The following ATP10B variants were observed in gnomAD, a reference collection of about 807,000 sequenced individuals.
The protein encoded by ATP10B is phospholipid-transporting ATPase VB.
ATP10B carries 122 observed loss-of-function variants against 141.2 expected under a neutral mutation model. The ratio of observed to expected loss-of-function variants is 0.86; its 90% CI spans 0.75 to 1.00. ATP10B has a LOEUF of 1.00. Ranked by LOEUF, ATP10B falls within the 50% of genes least tolerant of loss-of-function variation. The pLI, the probability that ATP10B is intolerant of heterozygous loss-of-function variation, is 0.00. For missense variants in ATP10B, 1,876 were observed against 1,825.3 expected, an observed-to-expected ratio of 1.03 and a Z score of -0.51; for synonymous variants, 685 against 692.0, an observed-to-expected ratio of 0.99 and a Z score of 0.16.
chr5:160,703,985 T>C (rs926127488), intron 3 of ATP10B, among the ~76,000 whole-genome samples: 1 of 152,146 alleles, frequency 6.6e-6, no homozygotes, highest in Non-Finnish European at 1.5e-5. Context: ...GTAGTAACCT[T>C]TGTTATTGTT....
chr5:160,722,074 G>T (rs1343007822), intron 2 of ATP10B, among the ~76,000 whole-genome samples: 2 of 152,154 alleles, frequency 1.3e-5, no homozygotes, highest in Non-Finnish European at 2.9e-5. Flanking sequence ...TAGAACGAGT[G>T]CTTCGTAGGA....
intron 7 of ATP10B, among the ~76,000 whole-genome samples, chr5:160,651,530 G>T (rs1321106662): frequency 3.3e-5 from 5 of 151,996 alleles, no homozygotes; most frequent in Non-Finnish European, 7.4e-5. Context: ...GTGTTAAAGT[G>T]TTGAAACATG....
intron 24 of ATP10B, among the ~76,000 whole-genome samples, chr5:160,572,182 T>C (rs113985836): frequency 0.036 from 2,208 of 61,528 alleles, 51 homozygotes; most frequent in African/African-American, 0.15. Context: ...CTCATGCTTT[T>C]AAAGAGTTTT....
At chr5:160,837,508 C>T (rs1475849359) in intron 1 of ATP10B, among the ~76,000 whole-genome samples, 1 of 152,140 alleles carries the variant, frequency 6.6e-6, no homozygotes, top group African/African-American at 2.4e-5. Context: ...GAGAAAGACT[C>T]AGCAGAGCTT....
chr5:160,814,194 G>A (rs1004110213), intron 1 of ATP10B, among the ~76,000 whole-genome samples: 1 of 152,124 alleles, frequency 6.6e-6, no homozygotes, highest in East Asian at 1.9e-4. Context: ...CGAGCTAAAG[G>A]AGGAAGTTCG....
chr5:160,653,557 CATAT>C (rs1293640756), intron 7 of ATP10B, among the ~76,000 whole-genome samples: 1 of 128,156 alleles, frequency 7.8e-6, no homozygotes, highest in African/African-American at 2.9e-5. Flanking sequence ...TACATATATA[CATAT>C]ATATTACATA....
At chr5:160,847,269 T>C (rs1177990812) in intron 1 of ATP10B, among the ~76,000 whole-genome samples, 1 of 152,196 alleles carries the variant, frequency 6.6e-6, no homozygotes, top group East Asian at 1.9e-4. Flanking sequence ...GATTCTATAA[T>C]AGTCAGTTAT....
chr5:160,799,534 A>G (rs1243754670), intron 1 of ATP10B, among the ~76,000 whole-genome samples: 1 of 152,186 alleles, frequency 6.6e-6, no homozygotes, highest in African/African-American at 2.4e-5. Flanking sequence ...CTTTGCTGAC[A>G]TTGGTATGAA....
intron 18 of ATP10B, among the ~76,000 whole-genome samples, chr5:160,608,488 C>G (rs1463745629): frequency 1.3e-5 from 2 of 152,122 alleles, no homozygotes; most frequent in Non-Finnish European, 2.9e-5. Flanking sequence ...AGTTCTAGAT[C>G]CTTGAGGAAT....
At chr5:160,681,610 C>A (rs1763404935) in intron 6 of ATP10B, among the ~76,000 whole-genome samples, 1 of 152,134 alleles carries the variant, frequency 6.6e-6, no homozygotes, top group South Asian at 2.1e-4. Flanking sequence ...ACCCCTGCCC[C>A]CACTGCCCAC....
intron 24 of ATP10B, among the ~76,000 whole-genome samples, chr5:160,576,867 T>C (rs1430167993): frequency 6.6e-6 from 1 of 152,198 alleles, no homozygotes; most frequent in Admixed American, 6.5e-5. Flanking sequence ...GTTTGGACTC[T>C]GTCCTAAGAG....
chr5:160,845,015 AC>A (rs36029672), intron 1 of ATP10B, among the ~76,000 whole-genome samples: 19,948 of 152,116 alleles, frequency 0.13, 1,394 homozygotes, highest in African/African-American at 0.16. Context: ...GGATTTGGCC[AC>A]CCTTATTTGT....
At chr5:160,854,173 A>C (rs10515816), upstream of ATP10B, among the ~76,000 whole-genome samples, 5 of 151,950 alleles carry the variant, frequency 3.3e-5, no homozygotes, top group Admixed American at 3.3e-4. Flanking sequence ...AAGTGTTATT[A>C]GTGGTAATTT....
At chr5:160,706,710 C>G (rs1184541415) in intron 3 of ATP10B, among the ~76,000 whole-genome samples, 1 of 152,216 alleles carries the variant, frequency 6.6e-6, no homozygotes, top group Non-Finnish European at 1.5e-5. Context: ...CTCCTAATCT[C>G]ACATAGCCAA....
At chr5:160,643,450 C>T (rs963340419) in intron 9 of ATP10B, among the ~76,000 whole-genome samples, 2 of 152,142 alleles carry the variant, frequency 1.3e-5, no homozygotes, top group African/African-American at 4.8e-5. Context: ...AGGTGCGTTG[C>T]GTACCTACGA....
At chr5:160,667,087 C>G (rs1004117553) in intron 7 of ATP10B, among the ~76,000 whole-genome samples, 11 of 151,840 alleles carry the variant, frequency 7.2e-5, no homozygotes, top group East Asian at 1.9e-4. Context: ...GCGTGGTGGC[C>G]GGCACCTGTA....
At chr5:160,820,114 C>G (rs562516218) in intron 1 of ATP10B, among the ~76,000 whole-genome samples, 39 of 148,288 alleles carry the variant, frequency 2.6e-4, no homozygotes, top group African/African-American at 9.1e-4. Context: ...TAAAAATAAA[C>G]AACATTGACC....
At chr5:160,902,211 T>G in the ATP10B span, among the ~76,000 whole-genome samples, 1 of 152,126 alleles carries the variant, frequency 6.6e-6, no homozygotes, top group South Asian at 2.1e-4. Context: ...TGACGTAAAA[T>G]TCTAGAAAAA....
chr5:160,829,184 G>A (rs1332330925), intron 1 of ATP10B, among the ~76,000 whole-genome samples: 3 of 151,518 alleles, frequency 2.0e-5, no homozygotes, highest in Non-Finnish European at 4.4e-5. Flanking sequence ...TTGTGCACAT[G>A]TACCCTAAAA....
Sources: gnomAD v4.1 joint callset for allele counts (sites outside exome capture counted in the v4.1 genomes callset) on GRCh38, gnomAD v4.1.1 for gene constraint, MANE v1.5 for transcripts, NCBI Gene and HGNC (gene_info 2026-07-23, HGNC 2026-07-21) for gene names.